The following PINX1 variants were observed in gnomAD, a reference collection of about 807,000 sequenced individuals.
PINX1 encodes the protein PIN2/TERF1-interacting telomerase inhibitor 1.
A neutral mutation model predicts 25.4 loss-of-function variants in PINX1; 34 were observed. That is an observed-to-expected ratio of 1.34 (90% confidence interval 1.02 to 1.78). The LOEUF is 1.78. Among genes scored for constraint, PINX1 ranks in the 40% most tolerant of loss-of-function variants. The pLI, the probability that PINX1 is intolerant of heterozygous loss-of-function variation, is 0.00. For synonymous variants in PINX1, 197 were observed against 147.7 expected, an observed-to-expected ratio of 1.33 and a Z score of -2.42; for missense variants, 592 against 404.9, an observed-to-expected ratio of 1.46 and a Z score of -3.97.
chr8:10,766,379 C>T (rs923533307), intron 6 of PINX1, among the ~76,000 whole-genome samples: 1 of 152,214 alleles, frequency 6.6e-6, no homozygotes, highest in Admixed American at 6.5e-5. Context: ...CTGTGTTGAT[C>T]TAGAAACTTA....
rs1167029357 is a variant in PINX1, at chr8:10,839,816, C to A, written c.-60G>T. The A allele has an allele frequency of 5.9e-6, 9 of 1,536,562 alleles. No homozygotes were observed. The highest frequency in any genetic ancestry group is 8.0e-6 in the Non-Finnish European group (9 of 1,126,340). ...TGGGTGACTGCGGCCACTGGGCGGG[C>A]TGGAGACTCCAGGAGAATCAGGACG... On this transcript the variant is annotated 5_prime_UTR_variant, in exon 1 of 7. Coordinates refer to ENST00000314787, the MANE Select transcript of PINX1 (RefSeq NM_017884.6).
At chr8:10,793,417 T>C (rs1801985763) in intron 6 of PINX1, among the ~76,000 whole-genome samples, 4 of 152,284 alleles carry the variant, frequency 2.6e-5, no homozygotes, top group Admixed American at 2.0e-4. Flanking sequence ...GGGCCATCCA[T>C]AAAATGCACT....
chr8:10,784,595 C>T (rs1801690268), intron 6 of PINX1, among the ~76,000 whole-genome samples: 1 of 152,094 alleles, frequency 6.6e-6, no homozygotes, highest in Non-Finnish European at 1.5e-5. Context: ...AAAAATAAAC[C>T]TCACAAAACC....
chr8:10,829,999 A>G (rs1193589146), intron 4 of PINX1, among the ~76,000 whole-genome samples: 5 of 152,166 alleles, frequency 3.3e-5, no homozygotes, highest in Admixed American at 6.5e-5. Flanking sequence ...CTGTGTTTCT[A>G]CTGAGTTCAA....
intron 6 of PINX1, among the ~76,000 whole-genome samples, chr8:10,809,692 G>C (rs1013129920): frequency 2.6e-5 from 4 of 152,122 alleles, no homozygotes; most frequent in Non-Finnish European, 5.9e-5. Flanking sequence ...ACACATCCAG[G>C]ACAAGAAGCA....
intron 6 of PINX1, among the ~76,000 whole-genome samples, chr8:10,781,083 G>A (rs930660402): frequency 2.0e-5 from 3 of 152,136 alleles, no homozygotes; most frequent in African/African-American, 7.2e-5. Flanking sequence ...ACAAGAGCAT[G>A]AAGAAGACAC....
intron 6 of PINX1, among the ~76,000 whole-genome samples, chr8:10,776,665 C>G (rs1801406833): frequency 6.6e-6 from 1 of 152,088 alleles, no homozygotes; most frequent in African/African-American, 2.4e-5. Context: ...CTGATGATGA[C>G]CTCAGGCTGC....
intron 6 of PINX1, among the ~76,000 whole-genome samples, chr8:10,803,845 T>A (rs1229903296): frequency 6.6e-6 from 1 of 152,350 alleles, no homozygotes; most frequent in Admixed American, 6.5e-5. Flanking sequence ...ACTCTTAGTA[T>A]AGTGGATAAT....
chr8:10,795,462 G>A (rs538523702), intron 6 of PINX1, among the ~76,000 whole-genome samples: 12 of 152,288 alleles, frequency 7.9e-5, no homozygotes, highest in African/African-American at 2.6e-4. Context: ...GTGCGGTGGC[G>A]CGATCTCGGC....
At chr8:10,803,572 G>A (rs972561885) in intron 6 of PINX1, among the ~76,000 whole-genome samples, 2 of 152,128 alleles carry the variant, frequency 1.3e-5, no homozygotes, top group East Asian at 3.9e-4. Context: ...CTGGATTTTT[G>A]TTTGTTTCCT....
At chr8:10,775,895 C>T (rs1321816870) in intron 6 of PINX1, among the ~76,000 whole-genome samples, 1 of 152,126 alleles carries the variant, frequency 6.6e-6, no homozygotes, top group Non-Finnish European at 1.5e-5. Context: ...GAAGGCCAAT[C>T]TGTACAACAT....
chr8:10,811,360 T>C (rs897554224), intron 6 of PINX1, among the ~76,000 whole-genome samples: 1 of 152,186 alleles, frequency 6.6e-6, no homozygotes, highest in Non-Finnish European at 1.5e-5. Context: ...ATGACCTGAT[T>C]TCCTCATTCT....
intron 1 of PINX1, among the ~76,000 whole-genome samples, chr8:10,837,250 G>A (rs1798431785): frequency 6.6e-6 from 1 of 152,156 alleles, no homozygotes; most frequent in Non-Finnish European, 1.5e-5. Flanking sequence ...CTAGCACCGA[G>A]TCTCTCACTA....
chr8:10,782,431 A>ATT (rs35399971), intron 6 of PINX1, among the ~76,000 whole-genome samples: 20 of 149,652 alleles, frequency 1.3e-4, no homozygotes, highest in South Asian at 6.3e-4. Context: ...AAAAAAAAAA[A>ATT]TTTTTTTTTT....
chr8:10,791,703 G>A (rs1445022403), intron 6 of PINX1, among the ~76,000 whole-genome samples: 1 of 152,162 alleles, frequency 6.6e-6, no homozygotes, highest in East Asian at 1.9e-4. Context: ...GTGCTTGGGC[G>A]ATCTGCTGGC....
intron 6 of PINX1, among the ~76,000 whole-genome samples, chr8:10,791,282 C>G (rs1428532268): frequency 6.6e-6 from 1 of 152,160 alleles, no homozygotes; most frequent in African/African-American, 2.4e-5. Context: ...TAATTCATAA[C>G]AAGACTCTGT....
chr8:10,768,421 G>C (rs1433791264), intron 6 of PINX1, among the ~76,000 whole-genome samples: 2 of 152,188 alleles, frequency 1.3e-5, no homozygotes, highest in South Asian at 4.1e-4. Flanking sequence ...CCATTTTTGA[G>C]TCACTTGTTG....
chr8:10,792,257 G>A (rs752446), intron 6 of PINX1, among the ~76,000 whole-genome samples: 70,577 of 151,434 alleles, frequency 0.47, 18,237 homozygotes, highest in African/African-American at 0.7. Flanking sequence ...CTTCACGTCC[G>A]CACCCACTGC....
intron 5 of PINX1, among the ~76,000 whole-genome samples, chr8:10,824,526 G>C (rs1797977884): frequency 6.6e-6 from 1 of 152,148 alleles, no homozygotes; most frequent in South Asian, 2.1e-4. Context: ...CTCGCTGGAA[G>C]ACAGAAAACG....
Sources: allele counts gnomAD v4.1 joint callset (sites outside exome capture counted in the v4.1 genomes callset), GRCh38; gene constraint gnomAD v4.1.1; transcripts MANE v1.5; gene names NCBI Gene and HGNC (gene_info 2026-07-23, HGNC 2026-07-21).